The following RIBC2 variants were observed in gnomAD, a reference collection of about 807,000 sequenced individuals.
The protein encoded by RIBC2 is RIB43A-like with coiled-coils protein 2.
RIBC2 carries 40 observed loss-of-function variants against 44.3 expected under a neutral mutation model. That is an observed-to-expected ratio of 0.90 (90% CI 0.70 to 1.18). RIBC2 has a LOEUF of 1.18. Ranked by LOEUF, RIBC2 falls within the 50% of genes most tolerant of loss-of-function variation. The probability of loss-of-function intolerance (pLI) is 0.00; values close to 1 mark genes in which losing one functional copy is unlikely to be tolerated. For missense variants in RIBC2, 459 were observed against 485.5 expected, an observed-to-expected ratio of 0.95 and a Z score of 0.51; for synonymous variants, 171 against 175.0, an observed-to-expected ratio of 0.98 and a Z score of 0.18.
At position 45,414,323 on chromosome 22, in the gene RIBC2, G is replaced by A; in HGVS notation, c.131G>A (p.Gly44Glu). The A allele has an allele frequency of 6.5e-7, 1 of 1,549,446 alleles. No individual in the cohort carries two copies. The highest frequency in any genetic ancestry group is 8.7e-7 in the Non-Finnish European group (1 of 1,146,350). Residue 44 changes from glycine to glutamate, a missense_variant and splice_region_variant, in exon 2 of 7, where the codon GGA (glycine) becomes GAA (glutamate). Gly to Glu is a moderately conservative substitution (Grantham distance 98). Transcript: ENST00000614167. The stretch of plus-strand genomic sequence containing the variant: ...TCTCCTCTGTTTTTCCATTTATAGG[G>A]AGACACTGAAGCCTGGGATGTTCAA... ...VFNARNRIIG[G>E]DTEAWDVQVH...
intron 6 of RIBC2, among the ~76,000 whole-genome samples, chr22:45,431,782 A>G (rs1416625135): frequency 6.6e-6 from 1 of 152,178 alleles, no homozygotes; most frequent in Non-Finnish European, 1.5e-5. Context: ...AGACTGGCCA[A>G]CATGGTGAAA....
rs1311306468 is a variant in RIBC2 at position 45,432,495 on chromosome 22, C to T, written c.*133C>T. 6.5e-6 allele frequency: 4 copies of T among 615,970 alleles called. No individual in the cohort carries two copies. Among genetic ancestry groups the T allele is most frequent in the African/African-American group, 3.7e-5 (2 of 53,366 alleles). 38.2% of individuals were successfully genotyped at this position (615,970 alleles called of 1,614,324 possible). ...CTGTAATCGTCCACTGTGGACAAAA[C>T]ATTTATCTAACCTCTCCCGTGTATT... is the stretch of plus-strand genomic sequence containing the variant. On this transcript the variant is annotated 3_prime_UTR_variant, in exon 7 of 7. Transcript: ENST00000614167.
chr22:45,424,143 G>A (rs994156917), intron 4 of RIBC2, among the ~76,000 whole-genome samples: 5 of 152,188 alleles, frequency 3.3e-5, no homozygotes, highest in Admixed American at 3.3e-4. Flanking sequence ...TGGATGCCAC[G>A]AGGCAGCACC....
intron 1 of RIBC2, 100 bp downstream of exon 1, chr22:45,414,115 C>T (rs1407800115): frequency 1.1e-5 from 17 of 1,496,706 alleles, no homozygotes; most frequent in East Asian, 2.5e-5. Flanking sequence ...AACATCTGAG[C>T]CAGGAGGCAG....
At chr22:45,415,494 C>T (rs1431649576) in intron 2 of RIBC2, among the ~76,000 whole-genome samples, 1 of 151,882 alleles carries the variant, frequency 6.6e-6, no homozygotes, top group East Asian at 1.9e-4. Context: ...CTTACAAAAA[C>T]AATGTGACAG....
chr22:45,428,654 T>C (rs2087553484), intron 5 of RIBC2, among the ~76,000 whole-genome samples: 1 of 152,130 alleles, frequency 6.6e-6, no homozygotes, highest in Non-Finnish European at 1.5e-5. Context: ...TCAGGACCAC[T>C]GAAGTGACCG....
At chr22:45,421,400 A>G (rs2087476811) in intron 3 of RIBC2, among the ~76,000 whole-genome samples, 1 of 147,102 alleles carries the variant, frequency 6.8e-6, no homozygotes, top group Non-Finnish European at 1.5e-5. Flanking sequence ...TCCCAGGTTT[A>G]TACCTCCAGC....
chr22:45,414,343 G>T lies in RIBC2; in HGVS notation c.151G>T (p.Val51Phe). ...IIGGDTEAWD[V>F]QVHDQKIKEA... is the part of the protein sequence containing the mutation. ...ATAGGGAGACACTGAAGCCTGGGAT[G>T]TTCAAGTTCATGACCAGAAGATAAA... The change falls in exon 2 of 7, where the codon GTT (valine) becomes TTT (phenylalanine). Residue 51 changes from valine to phenylalanine, a missense_variant. Physicochemically the swap from Val to Phe is conservative, Grantham distance 50. Transcript: ENST00000614167. 2.6e-6 allele frequency: 4 copies of T among 1,551,136 alleles called. No individual in the cohort carries two copies. Among genetic ancestry groups the T allele is most frequent in the Middle Eastern group, 3.3e-4 (2 of 5,992 alleles).
At chr22:45,429,970 C>G (rs2087564727) in intron 5 of RIBC2, among the ~76,000 whole-genome samples, 2 of 152,176 alleles carry the variant, frequency 1.3e-5, no homozygotes, top group Admixed American at 1.3e-4. Context: ...GCTGGGCTGT[C>G]TGCTTTGCTC....
intron 3 of RIBC2, 190 bp downstream of exon 3, chr22:45,418,136 A>C (rs2087444829): frequency 2.1e-6 from 1 of 479,694 alleles, no homozygotes; most frequent in Non-Finnish European, 3.7e-6. Flanking sequence ...CCTGTGGGGA[A>C]AGAAAAGTCA....
At chr22:45,430,852 C>T (rs895481150) in intron 5 of RIBC2, 48 bp from the exon 6 acceptor site, 21 of 1,493,464 alleles carry the variant, frequency 1.4e-5, no homozygotes, top group Non-Finnish European at 1.8e-5. Flanking sequence ...CCCTGGGGTT[C>T]TTTGGCTCTG....
chr22:45,426,203 C>G, intron 5 of RIBC2, 28 bp downstream of exon 5: 2 of 1,584,932 alleles, frequency 1.3e-6, no homozygotes, highest in Non-Finnish European at 1.7e-6. Flanking sequence ...TTTTCCAGAG[C>G]CCATAGAGCC....
chr22:45,415,412 C>G (rs750405034), intron 2 of RIBC2, among the ~76,000 whole-genome samples: 4 of 151,860 alleles, frequency 2.6e-5, no homozygotes, highest in African/African-American at 7.3e-5. Context: ...TTATTTTCTC[C>G]TTTATACTGT....
chr22:45,413,916 G>T lies in RIBC2; in HGVS notation c.30G>T (p.Leu10=), dbSNP rs1033475085. The part of the protein sequence containing the change: MGSQTMAVA[L]PRDLRQDANL... ...GTTCCCAGACCATGGCGGTGGCGCT[G>T]CCCAGGGACTTGCGGCAGGACGCCA... Residue 10 remains leucine, a synonymous_variant, in exon 1 of 7, where the codon CTG becomes CTT. Transcript: ENST00000614167. 8 of 1,551,678 alleles carry T rather than the reference G, an allele frequency of 5.2e-6. No individual in the cohort carries two copies. The highest frequency in any genetic ancestry group is 2.0e-5 in the Admixed American group (1 of 51,014).
At chr22:45,424,136 A>G (rs1296399498) in intron 4 of RIBC2, among the ~76,000 whole-genome samples, 1 of 152,198 alleles carries the variant, frequency 6.6e-6, no homozygotes, top group Non-Finnish European at 1.5e-5. Flanking sequence ...CCTCACGTGG[A>G]TGCCACGAGG....
intron 5 of RIBC2, among the ~76,000 whole-genome samples, chr22:45,430,604 G>C (rs1414988477): frequency 1.3e-5 from 2 of 152,182 alleles, no homozygotes; most frequent in Non-Finnish European, 2.9e-5. Context: ...GCACCTGGGA[G>C]CCCTGCACCC....
chr22:45,414,365 T>C lies in RIBC2; in HGVS notation c.173T>C (p.Ile58Thr), dbSNP rs945620305. 6.4e-7 allele frequency: 1 copy of C among 1,551,014 alleles called. No individual in the cohort carries two copies. The highest frequency in any genetic ancestry group is 1.4e-5 in the African/African-American group (1 of 73,100). The change falls in exon 2 of 7, where the codon ATA becomes ACA. Residue 58 changes from isoleucine to threonine, a missense_variant. By Grantham distance (89) the Ile-to-Thr change is moderately conservative. Coordinates refer to ENST00000614167, the MANE Select transcript of RIBC2 (RefSeq NM_015653.5). ...GATGTTCAAGTTCATGACCAGAAGA[T>C]AAAAGAAGCTACTGAAAAAGCTAGA... ...AWDVQVHDQKIKEATEKARHE... is the reference protein window; with the variant it reads ...AWDVQVHDQKTKEATEKARHE...
chr22:45,422,599 C>G (rs995233185), intron 4 of RIBC2, 191 bp downstream of exon 4: 23 of 595,260 alleles, frequency 3.9e-5, no homozygotes, highest in Non-Finnish European at 3.6e-5. Flanking sequence ...TGTGCCTTAG[C>G]TCTGAATCTT....
intron 6 of RIBC2, 48 bp downstream of exon 6, chr22:45,431,114 A>G (rs1379660411): frequency 7.1e-6 from 11 of 1,547,162 alleles, no homozygotes; most frequent in Non-Finnish European, 9.6e-6. Flanking sequence ...GGGTGGAGGG[A>G]CCGCGGGGCT....
Sources: allele counts gnomAD v4.1 joint callset (sites outside exome capture counted in the v4.1 genomes callset), GRCh38; gene constraint gnomAD v4.1.1; transcripts MANE v1.5; gene names NCBI Gene and HGNC (gene_info 2026-07-23, HGNC 2026-07-21).